Variants in CRISPLD1 observed in about 807,000 individuals in gnomAD.
CRISPLD1 encodes cysteine-rich secretory protein LCCL domain-containing 1.
Under a neutral mutation model 77.5 loss-of-function variants are expected in CRISPLD1, and 60 were observed. The ratio of observed to expected loss-of-function variants is 0.77; its 90% CI spans 0.63 to 0.96. CRISPLD1 has a LOEUF of 0.96. Among genes scored for constraint, CRISPLD1 ranks in the 40% least tolerant of loss-of-function variants. The pLI, the probability that CRISPLD1 is intolerant of heterozygous loss-of-function variation, is 0.00. For missense variants in CRISPLD1, 623 were observed against 615.8 expected (o/e 1.01, Z -0.12); for synonymous variants, 195 against 200.1 (o/e 0.97, Z 0.22).
intron 5 of CRISPLD1, among the ~76,000 whole-genome samples, chr8:75,014,476 A>G (rs1812992311): frequency 6.6e-6 from 1 of 152,148 alleles, no homozygotes; most frequent in African/African-American, 2.4e-5. Context: ...ATGTGACACA[A>G]TCATATTTAG....
At chr8:74,998,425 C>T (rs1423685069) in intron 2 of CRISPLD1, among the ~76,000 whole-genome samples, 2 of 151,892 alleles carry the variant, frequency 1.3e-5, no homozygotes, top group African/African-American at 2.4e-5. Flanking sequence ...TGGCTCATAC[C>T]ACGGCCGGTA....
chr8:74,988,918 T>C (rs1003567143), intron 2 of CRISPLD1, among the ~76,000 whole-genome samples: 2 of 152,196 alleles, frequency 1.3e-5, no homozygotes, highest in African/African-American at 4.8e-5. Flanking sequence ...AATAGACTCA[T>C]TTGAAAATTT....
chr8:75,002,762 A>G (rs577277616), intron 2 of CRISPLD1, among the ~76,000 whole-genome samples: 1 of 152,226 alleles, frequency 6.6e-6, no homozygotes, highest in African/African-American at 2.4e-5. Flanking sequence ...ACCAGGAGCC[A>G]GGGGGCAGGA....
At chr8:75,027,665 G>T (rs1351209775) in intron 13 of CRISPLD1, among the ~76,000 whole-genome samples, 1 of 152,118 alleles carries the variant, frequency 6.6e-6, no homozygotes, top group African/African-American at 2.4e-5. Flanking sequence ...AGATCCAATC[G>T]TTAATAGCCA....
At chr8:75,026,662 A>G (rs1464427186) in intron 13 of CRISPLD1, 2 of 152,214 alleles carry the variant, frequency 1.3e-5, no homozygotes, top group Non-Finnish European at 2.9e-5. Flanking sequence ...AGAGAGTTAC[A>G]AATGCAAATT....
At chr8:74,987,364 G>T (rs555703615) in intron 2 of CRISPLD1, among the ~76,000 whole-genome samples, 1 of 152,314 alleles carries the variant, frequency 6.6e-6, no homozygotes, top group East Asian at 1.9e-4. Context: ...CTAGCTATGT[G>T]ACATTGGGCG....
chr8:75,032,351 C>A lies in CRISPLD1; in HGVS notation c.*109C>A. 1 of 654,666 alleles carries A rather than the reference C, an allele frequency of 1.5e-6. No homozygotes were observed. The highest frequency in any genetic ancestry group is 2.4e-6 in the Non-Finnish European group (1 of 413,140). 40.6% of individuals were successfully genotyped at this position (654,666 alleles called of 1,614,324 possible). A position where few individuals can be genotyped will look rare whatever the true frequency, so the allele number is the denominator to read the frequency against. On this transcript the variant is annotated 3_prime_UTR_variant, in exon 15 of 15. Transcript: ENST00000262207. ...CAGAGTACATCAACTATTTTCAGCCCAAAAAGGTGCCAAATGCATATAAAT... is the reference window on the plus strand; with the variant it reads ...CAGAGTACATCAACTATTTTCAGCCAAAAAAGGTGCCAAATGCATATAAAT...
chr8:75,027,333 A>G (rs938338055), intron 13 of CRISPLD1, among the ~76,000 whole-genome samples: 5 of 152,238 alleles, frequency 3.3e-5, no homozygotes, highest in Non-Finnish European at 7.3e-5. Flanking sequence ...AAACAAGTAG[A>G]TTAATAAATA....
chr8:75,013,143 TATTG>T, intron 4 of CRISPLD1, 121 bp downstream of exon 4: 2 of 720,566 alleles, frequency 2.8e-6, no homozygotes, highest in Non-Finnish European at 2.0e-6. Context: ...TTTATATGGA[TATTG>T]ATTATGTTGA....
intron 2 of CRISPLD1, among the ~76,000 whole-genome samples, chr8:75,011,539 A>G (rs537902181): frequency 1.3e-5 from 2 of 152,160 alleles, no homozygotes; most frequent in East Asian, 1.9e-4. Flanking sequence ...CAGCACACAT[A>G]CTATACTGCA....
At chr8:75,009,265 C>G (rs1399907611) in intron 2 of CRISPLD1, among the ~76,000 whole-genome samples, 1 of 151,776 alleles carries the variant, frequency 6.6e-6, no homozygotes, top group Non-Finnish European at 1.5e-5. Context: ...TTCCAGCTAC[C>G]TATTCATGGT....
chr8:74,989,715 G>A (rs1390537156), intron 2 of CRISPLD1, among the ~76,000 whole-genome samples: 1 of 152,048 alleles, frequency 6.6e-6, no homozygotes, highest in East Asian at 1.9e-4. Context: ...TTACTCTGTG[G>A]TTATTTCTTG....
chr8:74,999,775 C>CTT (rs112068678), intron 2 of CRISPLD1, among the ~76,000 whole-genome samples: 17 of 138,630 alleles, frequency 1.2e-4, no homozygotes, highest in East Asian at 6.3e-4. Flanking sequence ...TTTTTCTTTT[C>CTT]TTTTTTTTTT....
chr8:75,013,867 T>G, intron 4 of CRISPLD1, 120 bp from the exon 5 acceptor site: 1 of 673,866 alleles, frequency 1.5e-6, no homozygotes, highest in Non-Finnish European at 2.6e-6. Context: ...TTGATCTCAG[T>G]TCATTTTGAA....
chr8:75,020,408 A>C (rs1813113467), intron 12 of CRISPLD1, among the ~76,000 whole-genome samples: 1 of 152,270 alleles, frequency 6.6e-6, no homozygotes, highest in Admixed American at 6.6e-5. Flanking sequence ...TATTTCTCAC[A>C]GTTCTGGAGG....
chr8:75,016,575 C>T lies in CRISPLD1; in HGVS notation c.738C>T (p.Asp246=). The part of the protein sequence containing the change: ...RENLCYKEGS[D]RYYPPREEET... ...TGCTTTCTCTAACAGAAGGGTCAGACAGGTATTATCCCCCTCGAGAAGAGG... is the reference window on the plus strand; with the variant it reads ...TGCTTTCTCTAACAGAAGGGTCAGATAGGTATTATCCCCCTCGAGAAGAGG... The change falls in exon 7 of 15, where the codon GAC becomes GAT. Residue 246 remains aspartate (D), a synonymous_variant. Transcript: ENST00000262207. 1.9e-5 allele frequency: 30 copies of T among 1,611,432 alleles called. No homozygotes were observed. Among genetic ancestry groups the T allele is most frequent in the Non-Finnish European group, 2.5e-5 (30 of 1,178,494 alleles).
At chr8:75,007,694 A>T (rs111929373) in intron 2 of CRISPLD1, among the ~76,000 whole-genome samples, 3 of 133,186 alleles carry the variant, frequency 2.3e-5, no homozygotes, top group African/African-American at 5.7e-5. Flanking sequence ...TTTTAAAGAG[A>T]CAAGTTCTTA....
At position 75,010,581 on chromosome 8, in the gene CRISPLD1, C is replaced by A. The variant is rs535671598; in HGVS notation, c.259-1852C>A. Among the ~76,000 whole-genome samples the A allele has an allele frequency of 2.4e-4, 37 of 152,178 alleles. No individual in the cohort carries two copies. In the South Asian group the frequency reaches 4.1e-3, roughly 17 times the overall value. ...TCATTGATCTGAAGTTGCTTTTAGT[C>A]ATGAATTAGTACTTAGGAAATCTTG... On this transcript the variant is annotated intron_variant, in intron 2 of 14. Coordinates refer to ENST00000262207, the MANE Select transcript of CRISPLD1 (RefSeq NM_031461.6).
chr8:75,016,569 G>T lies in CRISPLD1; in HGVS notation c.732G>T (p.Gly244=). ...TAAATCTGCTTTCTCTAACAGAAGGGTCAGACAGGTATTATCCCCCTCGAG... is the reference window on the plus strand; with the variant it reads ...TAAATCTGCTTTCTCTAACAGAAGGTTCAGACAGGTATTATCCCCCTCGAG... The part of the protein sequence containing the change: ...GCRENLCYKE[G]SDRYYPPREE... Residue 244 remains glycine, a synonymous_variant, in exon 7 of 15, where the codon GGG becomes GGT. Transcript: ENST00000262207. 6.2e-7 allele frequency: 1 copy of T among 1,610,480 alleles called. No individual in the cohort carries two copies. Among genetic ancestry groups the T allele is most frequent in the South Asian group, 1.1e-5 (1 of 90,582 alleles).
Sources: allele counts gnomAD v4.1 joint callset (sites outside exome capture counted in the v4.1 genomes callset), GRCh38; gene constraint gnomAD v4.1.1; transcripts MANE v1.5; gene names NCBI Gene and HGNC (gene_info 2026-07-23, HGNC 2026-07-21).